Variants in CSMD2 observed in about 807,000 individuals in gnomAD.
The protein encoded by CSMD2 is CUB and Sushi multiple domains 2.
Under a neutral mutation model 398.5 loss-of-function variants are expected in CSMD2, and 130 were observed. The observed-to-expected ratio is 0.33, with a 90% confidence interval of 0.28 to 0.38. The LOEUF (loss-of-function observed/expected upper bound fraction) is 0.38, where lower values mean the gene tolerates loss of function less well. CSMD2 is among the 10% of genes least tolerant of loss of function. The pLI is 1.00. For missense variants in CSMD2, 3,829 were observed against 4,764.9 expected, an observed-to-expected ratio of 0.80 and a Z score of 5.78; for synonymous variants, 1,828 against 1,908.5, an observed-to-expected ratio of 0.96 and a Z score of 1.10.
chr1:34,029,725 A>C (rs1650169882), intron 3 of CSMD2, among the ~76,000 whole-genome samples: 1 of 152,230 alleles, frequency 6.6e-6, no homozygotes, highest in East Asian at 1.9e-4. Flanking sequence ...CGTAGTTTGC[A>C]GAAACCCTGC....
intron 2 of CSMD2, among the ~76,000 whole-genome samples, chr1:34,047,645 G>A (rs1652683318): frequency 6.6e-6 from 1 of 152,118 alleles, no homozygotes; most frequent in Admixed American, 6.5e-5. Flanking sequence ...GGTAATTACT[G>A]AAGACACAAT....
At chr1:33,764,604 G>A (rs1189378186) in intron 13 of CSMD2, among the ~76,000 whole-genome samples, 2 of 152,204 alleles carry the variant, frequency 1.3e-5, no homozygotes, top group Admixed American at 1.3e-4. Context: ...CTTGAAAGAA[G>A]TCTAGAGAAA....
At chr1:33,734,784 CA>C (rs11337287) in intron 15 of CSMD2, among the ~76,000 whole-genome samples, 39,149 of 128,620 alleles carry the variant, frequency 0.3, 6,458 homozygotes, top group African/African-American at 0.52. Flanking sequence ...GATTCCATCT[CA>C]AAAAAAAAAA....
At chr1:33,807,284 T>G (rs954312526) in intron 10 of CSMD2, among the ~76,000 whole-genome samples, 15 of 152,056 alleles carry the variant, frequency 9.9e-5, no homozygotes, top group Admixed American at 5.9e-4. Context: ...AAAGAAAAAA[T>G]TACACATTAG....
chr1:33,735,994 G>T (rs1646873721), intron 15 of CSMD2, among the ~76,000 whole-genome samples: 1 of 152,100 alleles, frequency 6.6e-6, no homozygotes, highest in South Asian at 2.1e-4. Context: ...ACCCTAAGTG[G>T]CATCAGGCTC....
At chr1:34,059,952 T>A (rs1263198486) in intron 2 of CSMD2, among the ~76,000 whole-genome samples, 2 of 152,130 alleles carry the variant, frequency 1.3e-5, no homozygotes, top group African/African-American at 4.8e-5. Flanking sequence ...TGCTGGACCA[T>A]CAGGTCATCA....
intron 1 of CSMD2, among the ~76,000 whole-genome samples, chr1:34,130,802 T>A (rs528134132): frequency 1.3e-5 from 2 of 152,148 alleles, no homozygotes; most frequent in South Asian, 4.2e-4. Context: ...GACTATAGCA[T>A]CCATTTTCCA....
intron 32 of CSMD2, among the ~76,000 whole-genome samples, chr1:33,631,449 A>G (rs773160332): frequency 2.6e-5 from 4 of 152,172 alleles, no homozygotes. Flanking sequence ...CTTCTTGCCT[A>G]GAGGAGCCAG....
intron 6 of CSMD2, among the ~76,000 whole-genome samples, chr1:33,838,009 G>C (rs1660482783): frequency 6.6e-6 from 1 of 152,240 alleles, no homozygotes; most frequent in South Asian, 2.1e-4. Flanking sequence ...GAGCTAGTGG[G>C]AGACAAGGAC....
chr1:34,020,321 A>G (rs774345126), intron 3 of CSMD2, among the ~76,000 whole-genome samples: 1 of 152,212 alleles, frequency 6.6e-6, no homozygotes, highest in Non-Finnish European at 1.5e-5. Flanking sequence ...GTAATTCATT[A>G]CCAAGCCCAG....
At position 33,559,557 on chromosome 1, in the gene CSMD2, A is replaced by C; in HGVS notation, c.8381-84T>G. 2 of 1,252,640 alleles carry C rather than the reference A, an allele frequency of 1.6e-6. No individual in the cohort carries two copies. Among genetic ancestry groups the C allele is most frequent in the South Asian group, 1.4e-5 (1 of 71,972 alleles). 77.6% of individuals were successfully genotyped at this position (1,252,640 alleles called of 1,614,324 possible). A position where few individuals can be genotyped will look rare whatever the true frequency, so the allele number is the denominator to read the frequency against. ...ATCCACCTCTCACCTGGCATCTCTT[A>C]GGCCATCAGTGAAGTTCAGCCCTAA... On this transcript the variant is annotated intron_variant, in intron 53 of 70. Coordinates refer to ENST00000373381, the MANE Select transcript of CSMD2 (RefSeq NM_001281956.2). The surrounding 1 kb of genome is among the most constrained non-coding windows in gnomAD (Gnocchi z 4.0).
rs1642040662 is a variant in CSMD2 at position 33,625,253 on chromosome 1, C to T, written c.5298G>A (p.Ala1766=). 8 of 1,609,864 alleles carry T rather than the reference C, an allele frequency of 5.0e-6. No homozygotes were observed. The highest frequency in any genetic ancestry group is 6.8e-6 in the Non-Finnish European group (8 of 1,178,648). The change falls in exon 34 of 71, where the codon GCG becomes GCA. Residue 1766 remains alanine, a splice_region_variant and synonymous_variant. Transcript: ENST00000373381. ...PARGFHFVYQ[A]VPRTSATQCS... ...ACTGCGTGGCGCTGGTTCGAGGAAC[C>T]GCTGTGGGGGACAAGGGCACTGAGG...
rs1640147224 is a variant in CSMD2, at chr1:33,600,581, G to A, written c.6856+284C>T. 5.6e-6 allele frequency: 3 copies of A among 540,352 alleles called. No homozygotes were observed. The African/African-American group carries it at 5.7e-5, about 10-fold the overall frequency. 33.5% of individuals were successfully genotyped at this position (540,352 alleles called of 1,614,324 possible). A position where few individuals can be genotyped will look rare whatever the true frequency, so the allele number is the denominator to read the frequency against. ...CAGGTATAGGGATGATCCAGCCAGT[G>A]AGTTGATGTGAATGAGTGGACTTGG... is the stretch of plus-strand genomic sequence containing the variant. On this transcript the variant is annotated intron_variant, in intron 44 of 70. Transcript: ENST00000373381.
Position 33,847,016 on chromosome 1 carries a change from A to C in CSMD2, c.921-20T>G, listed in dbSNP as rs753639472. The C allele has an allele frequency of 8.9e-6, 14 of 1,564,790 alleles. No homozygotes were observed. In the South Asian group the frequency reaches 1.6e-4, roughly 18 times the overall value. Reference sequence around the variant, plus strand: ...GTGAACCTGTGGGAACAGGAAGCAGATGGGCTCAGGGACCAGAGCTGAGTG... The same window carrying C: ...GTGAACCTGTGGGAACAGGAAGCAGCTGGGCTCAGGGACCAGAGCTGAGTG... On this transcript the variant is annotated intron_variant, in intron 5 of 70. Coordinates refer to ENST00000373381, the MANE Select transcript of CSMD2 (RefSeq NM_001281956.2).
intron 47 of CSMD2, among the ~76,000 whole-genome samples, chr1:33,581,767 G>C (rs1638745549): frequency 1.3e-5 from 2 of 151,958 alleles, no homozygotes; most frequent in African/African-American, 2.4e-5. Flanking sequence ...TGGTTGAAGG[G>C]GCGCAGAATA....
chr1:33,554,416 A>G (rs1162633273), intron 55 of CSMD2, among the ~76,000 whole-genome samples: 2 of 152,080 alleles, frequency 1.3e-5, no homozygotes, highest in African/African-American at 4.8e-5. Flanking sequence ...GATGGTCTGA[A>G]TCTCCTGATC....
intron 65 of CSMD2, 84 bp from the exon 66 acceptor site, chr1:33,525,127 C>A: frequency 7.2e-7 from 1 of 1,390,672 alleles, no homozygotes; most frequent in Non-Finnish European, 1.0e-6. Flanking sequence ...TCCCAGCCCA[C>A]TCACTGGGAT....
At chr1:33,856,425 C>T (rs978950518) in intron 5 of CSMD2, among the ~76,000 whole-genome samples, 1 of 152,192 alleles carries the variant, frequency 6.6e-6, no homozygotes, top group Non-Finnish European at 1.5e-5. Flanking sequence ...CCAGCCTTGC[C>T]CACTTTCCAC....
chr1:33,703,715 TG>T (rs1645685465), intron 22 of CSMD2, among the ~76,000 whole-genome samples: 2 of 152,206 alleles, frequency 1.3e-5, no homozygotes, highest in South Asian at 4.1e-4. Flanking sequence ...AAGCTGGTTG[TG>T]GGGATGACAC....
Sources: gnomAD v4.1 joint callset for allele counts (sites outside exome capture counted in the v4.1 genomes callset) on GRCh38, gnomAD v4.1.1 for gene constraint, Gnocchi (gnomAD v3.1) non-coding constraint, MANE v1.5 for transcripts, NCBI Gene and HGNC (gene_info 2026-07-23, HGNC 2026-07-21) for gene names.